TRRAP: variants seen among roughly 807,000 people sequenced by gnomAD.
The protein encoded by TRRAP is transformation/transcription domain-associated protein.
TRRAP carries 41 observed loss-of-function variants against 438.8 expected under a neutral mutation model. The observed-to-expected ratio is 0.09, with a 90% confidence interval of 0.07 to 0.12. The LOEUF (loss-of-function observed/expected upper bound fraction) is 0.12, where lower values mean the gene tolerates loss of function less well. TRRAP is among the 10% of genes least tolerant of loss of function. The pLI is 1.00. For missense variants in TRRAP, 3,122 were observed against 5,055.1 expected (o/e 0.62, Z 11.60); for synonymous variants, 1,994 against 1,962.9 (o/e 1.02, Z -0.42).
chr7:98,930,587 C>CT, intron 24 of TRRAP, 46 bp from the exon 25 acceptor site: 1 of 1,602,670 alleles, frequency 6.2e-7, no homozygotes, highest in Non-Finnish European at 8.5e-7. Flanking sequence ...TCAAAAAAAA[C>CT]AAGAATTGCA....
chr7:98,948,276 C>T lies in TRRAP; in HGVS notation c.4604C>T (p.Pro1535Leu). ...INLFHLIPAAPQTLVKPLLEV... is the reference protein window; with the variant it reads ...INLFHLIPAALQTLVKPLLEV... ...CTTTTTCATCTGATCCCGGCTGCTC[C>T]TCAGACACTGGTGAAGCCTTTGCTA... The change falls in exon 34 of 73, where the codon CCT becomes CTT. Residue 1535 changes from proline (P) to leucine (L), a missense_variant. Coordinates refer to ENST00000456197, the MANE Select transcript of TRRAP (RefSeq NM_001375524.1). This position sits in a 1 kb window ranked among gnomAD's most constrained non-coding sequence, Gnocchi z 4.9. The T allele has an allele frequency of 6.2e-7, 1 of 1,614,208 alleles. No homozygotes were observed. Among genetic ancestry groups the T allele is most frequent in the Non-Finnish European group, 8.5e-7 (1 of 1,180,048 alleles).
At chr7:98,959,261 G>T (rs543377585) in intron 44 of TRRAP, 83 bp from the exon 45 acceptor site, 1 of 1,561,784 alleles carries the variant, frequency 6.4e-7, no homozygotes, top group African/African-American at 1.3e-5. Context: ...AAGGGCCAGG[G>T]CACAGTTGAG....
At chr7:98,997,423 C>A (rs1166667469) in intron 67 of TRRAP, among the ~76,000 whole-genome samples, 1 of 97,036 alleles carries the variant, frequency 1.0e-5, no homozygotes, top group African/African-American at 4.0e-5. Flanking sequence ...AAAAAGGCAA[C>A]AAAATCCAGA....
At position 98,976,191 on chromosome 7, in the gene TRRAP, T is replaced by G; in HGVS notation, c.7882T>G (p.Ser2628Ala). The G allele has an allele frequency of 6.2e-7, 1 of 1,614,148 alleles. No homozygotes were observed. ...CGCTTTCGTTCAGCTGTGCCACATT[T>G]CCACGACGCTGGCAGAGAAGACGTG... ...LSAFVQLCHISTTLAEKTWVQ... is the reference protein window; with the variant it reads ...LSAFVQLCHIATTLAEKTWVQ... Residue 2628 changes from serine to alanine, a missense_variant, in exon 54 of 73, where the codon TCC becomes GCC. By Grantham distance (99) the Ser-to-Ala change is moderately conservative. This residue lies in a region of TRRAP where 992 missense variants were observed against 1,281.2 expected (regional missense o/e 0.77). Transcript: ENST00000456197. This position sits in a 1 kb window ranked among gnomAD's most constrained non-coding sequence, Gnocchi z 4.6.
At chr7:98,946,455 C>T (rs572981225) in intron 33 of TRRAP, among the ~76,000 whole-genome samples, 13 of 151,304 alleles carry the variant, frequency 8.6e-5, no homozygotes, top group African/African-American at 2.4e-4. Context: ...ACTCACAACA[C>T]GCGTGCACAC....
At chr7:98,902,919 A>AAG (rs1294774716) in intron 11 of TRRAP, among the ~76,000 whole-genome samples, 1 of 151,600 alleles carries the variant, frequency 6.6e-6, no homozygotes, top group Non-Finnish European at 1.5e-5. Context: ...AAAAAAAAAA[A>AAG]AAAAAAAGAA....
chr7:98,891,446 C>T (rs946150479), intron 4 of TRRAP, among the ~76,000 whole-genome samples: 2 of 151,716 alleles, frequency 1.3e-5, no homozygotes, highest in East Asian at 1.9e-4. Context: ...GGTGATCCGC[C>T]CACCTCGGCC....
chr7:98,962,191 GC>G, intron 46 of TRRAP, 110 bp from the exon 47 acceptor site: 1 of 1,525,280 alleles, frequency 6.6e-7, no homozygotes, highest in Middle Eastern at 2.4e-4. Context: ...GGAGAGAAGT[GC>G]CCGTGCCAAT....
At chr7:98,893,678 T>C in intron 5 of TRRAP, 120 bp from the exon 6 acceptor site, 4 of 892,130 alleles carry the variant, frequency 4.5e-6, no homozygotes, top group Non-Finnish European at 7.1e-6. Context: ...TGTGAGCTGA[T>C]GAATTTTCAG....
Position 98,910,302 on chromosome 7 carries a change from A to G in TRRAP, c.1597A>G (p.Lys533Glu), listed in dbSNP as rs782237374. ...PVPPFEKQGE[K>E]DKEDKQTFQV... ...GCCTCCCTTCGAGAAGCAAGGAGAAAAGGACAAGGAAGACAAGCAGACATT... is the reference window on the plus strand; with the variant it reads ...GCCTCCCTTCGAGAAGCAAGGAGAAGAGGACAAGGAAGACAAGCAGACATT... Residue 533 changes from lysine (K) to glutamate (E), a missense_variant, in exon 15 of 73, where the codon AAG (lysine) becomes GAG (glutamate). By Grantham distance (56) the Lys-to-Glu change is moderately conservative. Around this residue, in one of 24 missense-constraint regions of TRRAP, gnomAD observed 115 missense variants for 124.6 expected, o/e 0.92. Coordinates refer to ENST00000456197, the MANE Select transcript of TRRAP (RefSeq NM_001375524.1). 6.2e-7 allele frequency: 1 copy of G among 1,607,926 alleles called. No homozygotes were observed. Among genetic ancestry groups the G allele is most frequent in the Admixed American group, 1.7e-5 (1 of 59,782 alleles).
At position 98,899,542 on chromosome 7, in the gene TRRAP, A is replaced by G. The variant is rs1554406299; in HGVS notation, c.711+43A>G. 3.7e-6 allele frequency: 6 copies of G among 1,610,536 alleles called. No individual in the cohort carries two copies. In the Admixed American group the frequency reaches 8.3e-5, roughly 22 times the overall value. Reference sequence around the variant, plus strand: ...TAGTCTCTTGGGTTTTGGGCTTCTTATAAGAAAATTGGCATCTGGGGCCAA... The same window carrying G: ...TAGTCTCTTGGGTTTTGGGCTTCTTGTAAGAAAATTGGCATCTGGGGCCAA... On this transcript the variant is annotated intron_variant, in intron 9 of 72. Transcript: ENST00000456197.
chr7:98,906,346 G>A (rs1368084883), intron 13 of TRRAP, 91 bp downstream of exon 13: 7 of 1,010,160 alleles, frequency 6.9e-6, no homozygotes, highest in Admixed American at 2.0e-5. Flanking sequence ...AATGAACACC[G>A]GCTGTTGAGC....
chr7:98,932,588 C>T (rs1790372299), intron 26 of TRRAP, among the ~76,000 whole-genome samples: 1 of 152,118 alleles, frequency 6.6e-6, no homozygotes, highest in Admixed American at 6.5e-5. Context: ...GAGCAGTCCT[C>T]CCATTTCAGC....
At chr7:98,933,847 G>A (rs1281292842) in intron 27 of TRRAP, among the ~76,000 whole-genome samples, 1 of 152,216 alleles carries the variant, frequency 6.6e-6, no homozygotes, top group African/African-American at 2.4e-5. Flanking sequence ...GAAGTGTAGG[G>A]GTTGAGCTGT....
intron 2 of TRRAP, chr7:98,881,650 G>GT (rs1795441622): frequency 6.7e-6 from 2 of 300,040 alleles, no homozygotes; most frequent in South Asian, 9.4e-5. Context: ...GAGATTAATC[G>GT]TAACAGTAAC....
chr7:98,956,311 G>GTGT lies in TRRAP; in HGVS notation c.6096+8_6096+10dup. 6.2e-7 allele frequency: 1 copy of GTGT among 1,614,172 alleles called. No homozygotes were observed. The highest frequency in any genetic ancestry group is 8.5e-7 in the Non-Finnish European group (1 of 1,179,984). ...GAGGATCAAGGACCAGCAGGTAGGG[G>GTGT]TGTCAGCCTCAGGGGTGCCCCGATC... On this transcript the variant is annotated splice_region_variant and intron_variant, in intron 42 of 72. Coordinates refer to ENST00000456197, the MANE Select transcript of TRRAP (RefSeq NM_001375524.1). This position sits in a 1 kb window ranked among gnomAD's most constrained non-coding sequence, Gnocchi z 4.5.
chr7:98,917,786 T>C, intron 20 of TRRAP, 107 bp downstream of exon 20: 1 of 1,408,522 alleles, frequency 7.1e-7, no homozygotes, highest in Non-Finnish European at 9.5e-7. Context: ...CCAGTGCAGC[T>C]CTCTGTTTAA....
intron 63 of TRRAP, among the ~76,000 whole-genome samples, chr7:98,989,691 T>C (rs1000347662): frequency 1.3e-5 from 2 of 152,204 alleles, no homozygotes; most frequent in Non-Finnish European, 2.9e-5. Context: ...TGGCTCCGGG[T>C]TGCTTACACC....
rs181896699 is a variant in TRRAP, at chr7:98,895,463, G to A, written c.451-301G>A. ...CACAGTATATGAGAGTCTTTCTCTC[G>A]TTCCATCCTATCAGGCATTGTGTAT... On this transcript the variant is annotated intron_variant, in intron 6 of 72. Coordinates refer to ENST00000456197, the MANE Select transcript of TRRAP (RefSeq NM_001375524.1). Among the ~76,000 whole-genome samples, 347 of 152,276 alleles carry A rather than the reference G, an allele frequency of 2.3e-3. 1 individual carries two copies. Among genetic ancestry groups the A allele is most frequent in the African/African-American group, 7.4e-3 (309 of 41,554 alleles).
Sources: allele counts gnomAD v4.1 joint callset (sites outside exome capture counted in the v4.1 genomes callset), GRCh38; gene constraint gnomAD v4.1.1; regional missense constraint gnomAD v4.1.1; non-coding constraint Gnocchi (gnomAD v3.1); transcripts MANE v1.5; gene names NCBI Gene and HGNC (gene_info 2026-07-23, HGNC 2026-07-21).